The following AFDN variants were observed in gnomAD, a reference collection of about 807,000 sequenced individuals.
AFDN encodes the protein afadin, adherens junction formation factor.
In AFDN, 68 loss-of-function variants were observed where a neutral mutation model predicts 216.6. The observed-to-expected ratio is 0.31, with a 90% CI of 0.26 to 0.38. The LOEUF (loss-of-function observed/expected upper bound fraction) is 0.38. Ranked by LOEUF, AFDN falls within the 10% of genes least tolerant of loss-of-function variation. AFDN has a pLI of 1.00. For synonymous variants in AFDN, 868 were observed against 853.7 expected (o/e 1.02, Z -0.29); for missense variants, 2,136 against 2,342.0 (o/e 0.91, Z 1.82).
chr6:167,832,224 C>A (rs187648267), intron 1 of AFDN, among the ~76,000 whole-genome samples: 2 of 152,188 alleles, frequency 1.3e-5, no homozygotes, highest in Admixed American at 1.3e-4. Flanking sequence ...TTAACCAGTT[C>A]TGGGCATGTC....
intron 1 of AFDN, chr6:167,827,559 G>GGCCCC (rs1779286228): frequency 6.9e-6 from 1 of 145,086 alleles, no homozygotes; most frequent in Admixed American, 6.8e-5. Flanking sequence ...AGCGCGGCGC[G>GGCCCC]GCCCCGGCCT....
chr6:167,914,003 T>C, intron 16 of AFDN, 165 bp from the exon 17 acceptor site: 1 of 618,258 alleles, frequency 1.6e-6, no homozygotes, highest in Non-Finnish European at 2.7e-6. Flanking sequence ...CCCATTGCTA[T>C]GTATGCACCC....
chr6:167,932,381 C>T lies in AFDN; in HGVS notation c.3099+7290C>T, dbSNP rs76572420. ...CTTTTTAAAACATTGCTTTTGGGGA[C>T]GGTCAGCAGGCTACTTCTTGGTCAT... is the stretch of plus-strand genomic sequence containing the variant. On this transcript the variant is annotated intron_variant, in intron 23 of 33. Transcript: ENST00000683244. 2.6e-3 allele frequency among the ~76,000 whole-genome samples: 403 copies of T among 152,230 alleles called. 2 individuals carry two copies. The highest frequency in any genetic ancestry group is 9.0e-3 in the African/African-American group (374 of 41,518).
chr6:167,885,953 G>C (rs1177554952), intron 6 of AFDN, among the ~76,000 whole-genome samples: 1 of 152,158 alleles, frequency 6.6e-6, no homozygotes, highest in Admixed American at 6.5e-5. Flanking sequence ...AAAGATACTA[G>C]CTTACAAACT....
chr6:167,913,594 C>A, intron 16 of AFDN, 171 bp downstream of exon 16: 1 of 585,874 alleles, frequency 1.7e-6, no homozygotes, highest in Non-Finnish European at 2.9e-6. Flanking sequence ...CCTTTATCGG[C>A]ATTTCATAAT....
At chr6:167,865,236 CCTT>C (rs1269345618) in intron 2 of AFDN, among the ~76,000 whole-genome samples, 1 of 152,060 alleles carries the variant, frequency 6.6e-6, no homozygotes, top group Non-Finnish European at 1.5e-5. Flanking sequence ...AAGGAAACCT[CCTT>C]ATGTATTTAG....
Position 167,951,861 on chromosome 6 carries a change from C to A in AFDN, c.4507C>A (p.Gln1503Lys). Residue 1503 changes from glutamine (Q) to lysine (K), a missense_variant, in exon 30 of 34, where the codon CAG (glutamine) becomes AAG (lysine). Physicochemically the swap from Gln to Lys is moderately conservative, Grantham distance 53. Coordinates refer to ENST00000683244, the MANE Select transcript of AFDN (RefSeq NM_001386888.1). This position sits in a 1 kb window ranked among gnomAD's most constrained non-coding sequence, Gnocchi z 7.1. ...CCGCACGATCGAGCGCAGAGACTTGCAGTACATTACAGTCAGCAAAGAGGA... is the reference window on the plus strand; with the variant it reads ...CCGCACGATCGAGCGCAGAGACTTGAAGTACATTACAGTCAGCAAAGAGGA... ...QPRTIERRDL[Q>K]YITVSKEELS... 1 of 1,614,074 alleles carries A rather than the reference C, an allele frequency of 6.2e-7. No homozygotes were observed. Among genetic ancestry groups the A allele is most frequent in the South Asian group, 1.1e-5 (1 of 91,078 alleles).
intron 21 of AFDN, among the ~76,000 whole-genome samples, chr6:167,922,608 A>G (rs1791975703): frequency 6.6e-6 from 1 of 152,240 alleles, no homozygotes; most frequent in Non-Finnish European, 1.5e-5. Context: ...GTAAGAAAAA[A>G]GTTCTTTTGG....
At chr6:167,891,163 G>T in intron 8 of AFDN, 134 bp downstream of exon 8, 1 of 614,436 alleles carries the variant, frequency 1.6e-6, no homozygotes, top group Admixed American at 4.0e-5. Flanking sequence ...TTTTTTAAAA[G>T]TAACTCTCAT....
At chr6:167,959,710 CAT>C (rs1796860530) in intron 30 of AFDN, among the ~76,000 whole-genome samples, 2 of 152,152 alleles carry the variant, frequency 1.3e-5, no homozygotes, top group Non-Finnish European at 2.9e-5. Flanking sequence ...TATACACACA[CAT>C]ATATATGTAT....
intron 1 of AFDN, among the ~76,000 whole-genome samples, chr6:167,839,603 A>G (rs1780825976): frequency 6.6e-6 from 1 of 152,156 alleles, no homozygotes; most frequent in Admixed American, 6.5e-5. Context: ...GGTAACTGGC[A>G]CTGAGATCTG....
intron 25 of AFDN, 80 bp downstream of exon 25, chr6:167,943,555 A>G (rs1794936668): frequency 8.7e-7 from 1 of 1,148,234 alleles, no homozygotes; most frequent in African/African-American, 1.5e-5. Context: ...ATTGGAAGAT[A>G]AAAACTATGC....
chr6:167,939,554 C>A (rs1173126882), intron 23 of AFDN, among the ~76,000 whole-genome samples: 1 of 152,308 alleles, frequency 6.6e-6, no homozygotes, highest in East Asian at 1.9e-4. Context: ...AAGAAGCTCC[C>A]AAACGGCAAA....
At chr6:167,961,409 AC>A (rs973256155) in intron 30 of AFDN, among the ~76,000 whole-genome samples, 2 of 152,254 alleles carry the variant, frequency 1.3e-5, no homozygotes, top group African/African-American at 4.8e-5. Flanking sequence ...TGTATCCAAG[AC>A]CAAAAGGGAG....
intron 1 of AFDN, among the ~76,000 whole-genome samples, chr6:167,845,431 CTT>C (rs201349702): frequency 0.023 from 3,512 of 151,418 alleles, 66 homozygotes; most frequent in Non-Finnish European, 0.037. Context: ...GAGTTTTACT[CTT>C]GTTTCCCAGG....
intron 1 of AFDN, among the ~76,000 whole-genome samples, chr6:167,848,553 T>C (rs1271403704): frequency 6.6e-6 from 1 of 152,202 alleles, no homozygotes; most frequent in East Asian, 1.9e-4. Context: ...TGAACAGTCT[T>C]GTCCATGTTT....
chr6:167,888,417 T>C (rs897264640), intron 6 of AFDN, among the ~76,000 whole-genome samples: 1 of 152,200 alleles, frequency 6.6e-6, no homozygotes, highest in African/African-American at 2.4e-5. Context: ...GACTTGGCCT[T>C]CTTTTCTTAT....
chr6:167,890,803 C>T, intron 7 of AFDN, 59 bp from the exon 8 acceptor site: 1 of 1,531,582 alleles, frequency 6.5e-7, no homozygotes. Flanking sequence ...GACTGCCAGT[C>T]AGCGGGCCAT....
rs1789118239 is a variant in AFDN, at chr6:167,902,527, A to T, written c.1650+141A>T. ...CCAGTCAATGTCTGAAATCATAAAT[A>T]GTACAGAGCCCTATGGATACTATGT... is the stretch of plus-strand genomic sequence containing the variant. On this transcript the variant is annotated intron_variant, in intron 12 of 33. Coordinates refer to ENST00000683244, the MANE Select transcript of AFDN (RefSeq NM_001386888.1). 2.4e-5 allele frequency: 15 copies of T among 621,036 alleles called. No homozygotes were observed. In the East Asian group the frequency reaches 4.3e-4, roughly 18 times the overall value. The allele number at this position is 621,036 out of a possible 1,614,324, so 38.5% of individuals were successfully genotyped here.
Sources: allele counts gnomAD v4.1 joint callset (sites outside exome capture counted in the v4.1 genomes callset), GRCh38; gene constraint gnomAD v4.1.1; non-coding constraint Gnocchi (gnomAD v3.1); transcripts MANE v1.5; gene names NCBI Gene and HGNC (gene_info 2026-07-23, HGNC 2026-07-21).